GRID1: variants seen among roughly 807,000 people sequenced by gnomAD.
The protein encoded by GRID1 is glutamate receptor ionotropic, delta-1.
GRID1 carries 28 observed loss-of-function variants against 98.0 expected under a neutral mutation model. The observed-to-expected ratio is 0.29, with a 90% CI of 0.21 to 0.39. GRID1 has a LOEUF of 0.39. Ranked by LOEUF, GRID1 falls within the 10% of genes least tolerant of loss-of-function variation. The pLI is 1.00. For synonymous variants in GRID1, 553 were observed against 538.5 expected, an observed-to-expected ratio of 1.03 and a Z score of -0.37; for missense variants, 1,111 against 1,340.5, an observed-to-expected ratio of 0.83 and a Z score of 2.67.
At chr10:85,664,721 T>C (rs891075958) in intron 12 of GRID1, among the ~76,000 whole-genome samples, 1 of 152,168 alleles carries the variant, frequency 6.6e-6, no homozygotes, top group African/African-American at 2.4e-5. Flanking sequence ...GAGGGCGCAA[T>C]AGGTCCCCTC....
At chr10:85,838,408 G>A (rs777685257) in intron 8 of GRID1, among the ~76,000 whole-genome samples, 6 of 152,122 alleles carry the variant, frequency 3.9e-5, no homozygotes, top group Non-Finnish European at 8.8e-5. Context: ...AAGGTAGCTA[G>A]AGGAACAGAC....
chr10:85,655,987 CAA>C (rs538253251), intron 12 of GRID1, among the ~76,000 whole-genome samples: 5 of 143,734 alleles, frequency 3.5e-5, no homozygotes, highest in Admixed American at 6.9e-5. Context: ...TTCTCTCTCT[CAA>C]AAAAAAAAAA....
chr10:85,736,655 GT>G (rs899202864), intron 8 of GRID1, among the ~76,000 whole-genome samples: 11 of 151,938 alleles, frequency 7.2e-5, no homozygotes, highest in Non-Finnish European at 1.5e-4. Flanking sequence ...ATCTACTAGG[GT>G]TTTTTTTCTT....
chr10:86,202,455 C>T (rs951977918), intron 3 of GRID1, among the ~76,000 whole-genome samples: 3 of 152,264 alleles, frequency 2.0e-5, no homozygotes, highest in East Asian at 3.8e-4. Context: ...TGCATACACA[C>T]ATGAATATCC....
Position 86,218,159 on chromosome 10 carries a change from T to C in GRID1, c.236-11511A>G, listed in dbSNP as rs71471193. Among the ~76,000 whole-genome samples the C allele has an allele frequency of 6.4e-3, 979 of 152,242 alleles. 6 individuals are homozygous for C. Among genetic ancestry groups the C allele is most frequent in the Middle Eastern group, 0.017 (5 of 294 alleles). On this transcript the variant is annotated intron_variant, in intron 2 of 15. Transcript: ENST00000327946. The stretch of plus-strand genomic sequence containing the variant: ...TGACTTTCTGAGTCTTGGTCCTGTG[T>C]GTGTGTGCTTGTGCGCGTGTGTGTG...
intron 2 of GRID1, among the ~76,000 whole-genome samples, chr10:86,328,061 CTG>C (rs756925934): frequency 2.0e-5 from 3 of 152,146 alleles, no homozygotes; most frequent in Non-Finnish European, 2.9e-5. Flanking sequence ...TCATGAAACT[CTG>C]TTTGAAATGT....
intron 4 of GRID1, among the ~76,000 whole-genome samples, chr10:85,963,084 T>G (rs1842291248): frequency 6.6e-6 from 1 of 152,186 alleles, no homozygotes; most frequent in South Asian, 2.1e-4. Flanking sequence ...GAACTGGAGG[T>G]TATTTCTTTA....
At chr10:86,216,209 T>C (rs1846175091) in intron 2 of GRID1, among the ~76,000 whole-genome samples, 1 of 152,250 alleles carries the variant, frequency 6.6e-6, no homozygotes, top group South Asian at 2.1e-4. Flanking sequence ...ATATATATCA[T>C]ATTATCTCAT....
chr10:86,047,671 T>G (rs1337837111), intron 4 of GRID1, among the ~76,000 whole-genome samples: 1 of 152,138 alleles, frequency 6.6e-6, no homozygotes, highest in Non-Finnish European at 1.5e-5. Context: ...AGATGATTTT[T>G]GGGTTAATCT....
intron 3 of GRID1, among the ~76,000 whole-genome samples, chr10:86,149,090 C>A (rs1439860594): frequency 6.6e-6 from 1 of 152,208 alleles, no homozygotes; most frequent in South Asian, 2.1e-4. Context: ...ATGAGCAAAT[C>A]ATCTCTCTTG....
chr10:85,622,247 C>A (rs1199941810), intron 13 of GRID1, among the ~76,000 whole-genome samples: 2 of 151,286 alleles, frequency 1.3e-5, no homozygotes, highest in African/African-American at 4.8e-5. Context: ...GAGGGAACAT[C>A]CAGAAGGGAT....
At chr10:85,821,173 A>G (rs1313095918) in intron 8 of GRID1, among the ~76,000 whole-genome samples, 1 of 152,068 alleles carries the variant, frequency 6.6e-6, no homozygotes, top group Non-Finnish European at 1.5e-5. Flanking sequence ...AGCAAATTAT[A>G]TATTATATTT....
chr10:86,064,198 T>C (rs1843687965), intron 4 of GRID1, among the ~76,000 whole-genome samples: 1 of 152,244 alleles, frequency 6.6e-6, no homozygotes, highest in Admixed American at 6.5e-5. Flanking sequence ...ATTTTATCAA[T>C]GTTCACAAAC....
chr10:85,771,955 C>A (rs1327518954), intron 8 of GRID1, among the ~76,000 whole-genome samples: 1 of 152,168 alleles, frequency 6.6e-6, no homozygotes, highest in Non-Finnish European at 1.5e-5. Flanking sequence ...TTGAACTTAG[C>A]TCTGCACCAA....
intron 12 of GRID1, among the ~76,000 whole-genome samples, chr10:85,716,715 T>A (rs1037542533): frequency 3.0e-4 from 44 of 148,354 alleles, no homozygotes; most frequent in Non-Finnish European, 4.5e-5. Flanking sequence ...TATATAAATG[T>A]GATACATTAT....
intron 9 of GRID1, among the ~76,000 whole-genome samples, chr10:85,728,264 C>T (rs568535038): frequency 6.6e-6 from 1 of 152,288 alleles, no homozygotes; most frequent in East Asian, 1.9e-4. Context: ...TAGGTCCATA[C>T]AGAGGAGTGG....
intron 4 of GRID1, among the ~76,000 whole-genome samples, chr10:86,014,204 A>G (rs1236472416): frequency 6.6e-6 from 1 of 152,250 alleles, no homozygotes; most frequent in Non-Finnish European, 1.5e-5. Flanking sequence ...AACTCACACA[A>G]GTTAAACATG....
chr10:85,824,905 TGC>T (rs1564601925), intron 8 of GRID1, among the ~76,000 whole-genome samples: 2 of 152,254 alleles, frequency 1.3e-5, no homozygotes, highest in African/African-American at 4.8e-5. Context: ...CTCAGTAGTA[TGC>T]CACACTATAT....
intron 4 of GRID1, among the ~76,000 whole-genome samples, chr10:86,022,027 A>G (rs917634772): frequency 7.2e-5 from 11 of 152,224 alleles, no homozygotes; most frequent in African/African-American, 2.7e-4. Flanking sequence ...GAAACCGATT[A>G]ATACCACATT....
Sources: gnomAD v4.1 joint callset for allele counts (sites outside exome capture counted in the v4.1 genomes callset) on GRCh38, gnomAD v4.1.1 for gene constraint, MANE v1.5 for transcripts, NCBI Gene and HGNC (gene_info 2026-07-23, HGNC 2026-07-21) for gene names.